MYO3A: variants seen among roughly 807,000 people sequenced by gnomAD.
The protein encoded by MYO3A is myosin IIIA.
In MYO3A, 180 loss-of-function variants were observed where a neutral mutation model predicts 192.7. The observed-to-expected ratio is 0.93, with a 90% CI of 0.83 to 1.06. The LOEUF is 1.06. Among genes scored for constraint, MYO3A ranks in the 50% least tolerant of loss-of-function variants. MYO3A has a pLI of 0.00. For synonymous variants in MYO3A, 628 were observed against 645.3 expected (o/e 0.97, Z 0.41); for missense variants, 1,896 against 1,905.0 (o/e 1.00, Z 0.09).
At chr10:26,118,154 CT>C (rs1168256178) in intron 17 of MYO3A, among the ~76,000 whole-genome samples, 1 of 151,668 alleles carries the variant, frequency 6.6e-6, no homozygotes, top group East Asian at 1.9e-4. Context: ...TGAGAAGTGT[CT>C]GTTTATATCC....
At chr10:25,936,506 TGA>T (rs1836074024) in intron 2 of MYO3A, among the ~76,000 whole-genome samples, 1 of 152,222 alleles carries the variant, frequency 6.6e-6, no homozygotes, top group Non-Finnish European at 1.5e-5. Flanking sequence ...ATTGATAATT[TGA>T]ATGATTGTAC....
At chr10:26,023,734 G>A (rs907534348) in intron 8 of MYO3A, among the ~76,000 whole-genome samples, 4 of 152,120 alleles carry the variant, frequency 2.6e-5, no homozygotes, top group Non-Finnish European at 4.4e-5. Context: ...GTTAAGTATT[G>A]ATGTTTCCCC....
chr10:26,153,897 A>G lies in MYO3A; in HGVS notation c.2683A>G (p.Arg895Gly). Residue 895 changes from arginine to glycine, a missense_variant, in exon 24 of 35, where the codon AGG becomes GGG. Arg to Gly is a moderately radical substitution (Grantham distance 125). Transcript: ENST00000642920. Reference protein sequence around the residue: ...KTKNVINYQMRTSEKLINLAK... With the variant: ...KTKNVINYQMGTSEKLINLAK... ...TAAAAATGTTATAAACTATCAAATG[A>G]GGACTTCAGAAAAATTAATCAACCT... The G allele has an allele frequency of 6.3e-7, 1 of 1,595,772 alleles. No individual in the cohort carries two copies. Among genetic ancestry groups the G allele is most frequent in the South Asian group, 1.1e-5 (1 of 90,688 alleles).
In MYO3A at chr10:25,960,315, A is replaced by G. The variant is rs112004737; in HGVS notation, c.303+5307A>G. ...CTTTCATCATCTGATGCTGTATATT[A>G]TTTTACAAAATTAAATAGCCATGTA... is the stretch of plus-strand genomic sequence containing the variant. On this transcript the variant is annotated intron_variant, in intron 4 of 34. Coordinates refer to ENST00000642920, the MANE Select transcript of MYO3A (RefSeq NM_017433.5). Among the ~76,000 whole-genome samples the G allele has an allele frequency of 6.6e-5, 10 of 152,200 alleles. 1 individual carries two copies. The highest frequency in any genetic ancestry group is 2.4e-4 in the African/African-American group (10 of 41,548).
At chr10:26,082,990 C>G (rs1836065276) in intron 14 of MYO3A, among the ~76,000 whole-genome samples, 1 of 152,176 alleles carries the variant, frequency 6.6e-6, no homozygotes, top group African/African-American at 2.4e-5. Context: ...GTAAAACTAG[C>G]ACAAGTTTCT....
intron 6 of MYO3A, among the ~76,000 whole-genome samples, chr10:26,000,440 G>A (rs1266585749): frequency 2.0e-5 from 3 of 152,074 alleles, no homozygotes; most frequent in Non-Finnish European, 4.4e-5. Flanking sequence ...TAGAAGAAAT[G>A]CAAATTGCAA....
At chr10:25,965,747 G>T (rs531070381) in intron 4 of MYO3A, among the ~76,000 whole-genome samples, 1 of 152,180 alleles carries the variant, frequency 6.6e-6, no homozygotes, top group South Asian at 2.1e-4. Context: ...GTTCCCCTCT[G>T]CCTAGGCTGA....
At chr10:25,988,939 CTTT>C (rs56308717) in intron 4 of MYO3A, among the ~76,000 whole-genome samples, 12 of 116,994 alleles carry the variant, frequency 1.0e-4, no homozygotes, top group African/African-American at 1.9e-4. Context: ...CCCTAAAACT[CTTT>C]TTTTTTTTTT....
chr10:26,115,227 C>T (rs548385291), intron 17 of MYO3A, among the ~76,000 whole-genome samples: 18 of 152,250 alleles, frequency 1.2e-4, no homozygotes, highest in Non-Finnish European at 1.9e-4. Flanking sequence ...GTGTGGAAGA[C>T]GGATCGGCGA....
At chr10:26,087,090 G>T (rs551892225) in intron 14 of MYO3A, among the ~76,000 whole-genome samples, 1 of 152,296 alleles carries the variant, frequency 6.6e-6, no homozygotes, top group South Asian at 2.1e-4. Context: ...TTGGTAGATA[G>T]AACTTACCTT....
intron 30 of MYO3A, among the ~76,000 whole-genome samples, chr10:26,174,963 G>A (rs1842248385): frequency 6.6e-6 from 1 of 152,096 alleles, no homozygotes; most frequent in Non-Finnish European, 1.5e-5. Context: ...GACATAATTA[G>A]GTATCAGATT....
chr10:25,934,499 A>G (rs1835911948), intron 1 of MYO3A, among the ~76,000 whole-genome samples, 171 bp downstream of exon 1: 1 of 151,974 alleles, frequency 6.6e-6, no homozygotes, highest in Non-Finnish European at 1.5e-5. Context: ...TCAGATCCGG[A>G]GGACCTGTGT....
At chr10:25,991,142 G>A (rs1192048568) in intron 4 of MYO3A, among the ~76,000 whole-genome samples, 2 of 152,150 alleles carry the variant, frequency 1.3e-5, no homozygotes, top group Non-Finnish European at 2.9e-5. Flanking sequence ...GTGTAAAAGT[G>A]TTCCTATTTC....
chr10:25,973,299 T>C (rs1224922068), intron 4 of MYO3A, among the ~76,000 whole-genome samples: 1 of 152,142 alleles, frequency 6.6e-6, no homozygotes, highest in African/African-American at 2.4e-5. Flanking sequence ...TGTTGGCGTA[T>C]AGGAATGCTT....
At position 26,147,486 on chromosome 10, in the gene MYO3A, C is replaced by T; in HGVS notation, c.2562C>T (p.Asp854=). 1 of 1,613,936 alleles carries T rather than the reference C, an allele frequency of 6.2e-7. No individual in the cohort carries two copies. Among genetic ancestry groups the T allele is most frequent in the Non-Finnish European group, 8.5e-7 (1 of 1,179,844 alleles). The change falls in exon 23 of 35, where the codon GAC becomes GAT. Residue 854 remains aspartate, a synonymous_variant. Transcript: ENST00000642920. ...AAAACAGAGACACTCTTCCTACTGA[C>T]ATTGTGCTACTTTTGAGGTCATCCG... is the stretch of plus-strand genomic sequence containing the variant. The part of the protein sequence containing the change: ...LAKNRDTLPT[D]IVLLLRSSDN...
rs768515710 is a variant in MYO3A at position 26,026,525 on chromosome 10, A to C, written c.946A>C (p.Lys316Gln). The C allele has an allele frequency of 1.9e-6, 3 of 1,614,144 alleles. No individual in the cohort carries two copies. The highest frequency in any genetic ancestry group is 2.5e-6 in the Non-Finnish European group (3 of 1,179,968). ...GIHQCMGGTE[K>Q]ARRERIHTKK... ...CCATCAATGCATGGGAGGCACAGAA[A>C]AGGCCAGGTAATCAAATAATATCTT... Residue 316 changes from lysine (K) to glutamine (Q), a missense_variant, in exon 10 of 35, where the codon AAG (lysine) becomes CAG (glutamine). Lys to Gln is a moderately conservative substitution (Grantham distance 53). Transcript: ENST00000642920.
intron 17 of MYO3A, among the ~76,000 whole-genome samples, chr10:26,105,379 G>A (rs915358745): frequency 6.6e-6 from 1 of 151,998 alleles, no homozygotes; most frequent in Non-Finnish European, 1.5e-5. Context: ...AATGTGTTGT[G>A]GCTTTTTAAA....
At chr10:26,069,758 CA>C (rs1835079815) in intron 12 of MYO3A, among the ~76,000 whole-genome samples, 1 of 151,976 alleles carries the variant, frequency 6.6e-6, no homozygotes, top group Non-Finnish European at 1.5e-5. Flanking sequence ...GTCCAAGGAG[CA>C]GTTAACAAAC....
At chr10:26,082,097 C>T (rs1461824608) in intron 14 of MYO3A, among the ~76,000 whole-genome samples, 1 of 152,170 alleles carries the variant, frequency 6.6e-6, no homozygotes, top group Non-Finnish European at 1.5e-5. Context: ...TGATGATTGA[C>T]CCTTCCTGGG....
Sources: allele counts gnomAD v4.1 joint callset (sites outside exome capture counted in the v4.1 genomes callset), GRCh38; gene constraint gnomAD v4.1.1; transcripts MANE v1.5; gene names NCBI Gene and HGNC (gene_info 2026-07-23, HGNC 2026-07-21).